The following CLMN variants were observed in gnomAD, a reference collection of about 807,000 sequenced individuals.
CLMN encodes the protein calmin (calponin-like, transmembrane).
In CLMN, 57 loss-of-function variants were observed where a neutral mutation model predicts 92.7. The ratio of observed to expected loss-of-function variants is 0.61; its 90% CI spans 0.50 to 0.77. CLMN has a LOEUF of 0.77. CLMN is among the 30% of genes least tolerant of loss of function. The pLI, the probability that CLMN is intolerant of heterozygous loss-of-function variation, is 0.00. For synonymous variants in CLMN, 466 were observed against 470.6 expected, an observed-to-expected ratio of 0.99 and a Z score of 0.13; for missense variants, 1,158 against 1,237.5, an observed-to-expected ratio of 0.94 and a Z score of 0.96.
At chr14:95,236,039 G>A (rs1898044163) in intron 1 of CLMN, among the ~76,000 whole-genome samples, 1 of 152,230 alleles carries the variant, frequency 6.6e-6, no homozygotes, top group African/African-American at 2.4e-5. Flanking sequence ...AACCGGGGCA[G>A]TGAAGGTCCT....
At chr14:95,239,432 A>C (rs1898170778) in intron 1 of CLMN, among the ~76,000 whole-genome samples, 1 of 152,214 alleles carries the variant, frequency 6.6e-6, no homozygotes, top group Non-Finnish European at 1.5e-5. Flanking sequence ...ACATTCTATA[A>C]GGATTCAGCT....
rs1227751235 is a variant in CLMN at position 95,193,841 on chromosome 14, C to G, written c.2840+8G>C. ...TACCCCCACAAAACCTGAAGTAAAGCCACCAACCTGGTTAATATTCGGTTT... is the reference window on the plus strand; with the variant it reads ...TACCCCCACAAAACCTGAAGTAAAGGCACCAACCTGGTTAATATTCGGTTT... On this transcript the variant is annotated splice_region_variant and intron_variant, in intron 12 of 12. Transcript: ENST00000298912. 1.9e-6 allele frequency: 3 copies of G among 1,613,840 alleles called. No homozygotes were observed. The highest frequency in any genetic ancestry group is 2.5e-6 in the Non-Finnish European group (3 of 1,179,940).
chr14:95,271,891 C>A (rs1899724694), intron 1 of CLMN, among the ~76,000 whole-genome samples: 1 of 152,230 alleles, frequency 6.6e-6, no homozygotes, highest in Admixed American at 6.5e-5. Context: ...TGTTCCTGAA[C>A]TTCATCTACA....
At position 95,210,774 on chromosome 14, in the gene CLMN, G is replaced by A. The variant is rs747057333; in HGVS notation, c.714C>T (p.Ala238=). The part of the protein sequence containing the change: ...IDPSLVDMKQ[A]LENSTRENLE... Reference sequence around the variant, plus strand: ...GATTTTCTCGTGTGGAATTTTCCAGGGCCTGTTTCATGTCCACCAGGCTGG... The same window carrying A: ...GATTTTCTCGTGTGGAATTTTCCAGAGCCTGTTTCATGTCCACCAGGCTGG... The change falls in exon 7 of 13, where the codon GCC becomes GCT. Residue 238 remains alanine, a synonymous_variant. Coordinates refer to ENST00000298912, the MANE Select transcript of CLMN (RefSeq NM_024734.4). 1.9e-6 allele frequency: 3 copies of A among 1,605,438 alleles called. No individual in the cohort carries two copies. The highest frequency in any genetic ancestry group is 1.7e-5 in the Admixed American group (1 of 58,566).
chr14:95,274,752 G>A lies in CLMN; in HGVS notation c.83-44619C>T, dbSNP rs199716925. On this transcript the variant is annotated intron_variant, in intron 1 of 12. Coordinates refer to ENST00000298912, the MANE Select transcript of CLMN (RefSeq NM_024734.4). Reference sequence around the variant, plus strand: ...TCCCAGCACTTTGGGAGGCCAAAGCGGGCGGATCACCAGGTCAAGAGATCA... The same window carrying A: ...TCCCAGCACTTTGGGAGGCCAAAGCAGGCGGATCACCAGGTCAAGAGATCA... Among the ~76,000 whole-genome samples the A allele has an allele frequency of 1.1e-4, 17 of 152,302 alleles. No homozygotes were observed. The East Asian group carries it at 2.3e-3, about 21-fold the overall frequency.
rs1896483184 is a variant in CLMN at position 95,188,210 on chromosome 14, C to T, written c.*3354G>A. On this transcript the variant is annotated 3_prime_UTR_variant, in exon 13 of 13. Coordinates refer to ENST00000298912, the MANE Select transcript of CLMN (RefSeq NM_024734.4). ...AAACATGAACAGATCCATAGGATCA[C>T]CATATATTTGAGAAAAATTCACAAC... 6.6e-6 allele frequency: 1 copy of T among 152,052 alleles called. No homozygotes were observed. Among genetic ancestry groups the T allele is most frequent in the South Asian group, 2.1e-4 (1 of 4,816 alleles). 9.4% of individuals were successfully genotyped at this position (152,052 alleles called of 1,614,324 possible).
At position 95,256,601 on chromosome 14, in the gene CLMN, T is replaced by C. The variant is rs964967235; in HGVS notation, c.83-26468A>G. Among the ~76,000 whole-genome samples, 1 of 152,090 alleles carries C rather than the reference T, an allele frequency of 6.6e-6. No homozygotes were observed. Among genetic ancestry groups the C allele is most frequent in the African/African-American group, 2.4e-5 (1 of 41,400 alleles). Reference sequence around the variant, plus strand: ...TGCACAACCGCCTCGTCAATACCCATCCCACGTGGAACTGTGCAAGACACT... The same window carrying C: ...TGCACAACCGCCTCGTCAATACCCACCCCACGTGGAACTGTGCAAGACACT... On this transcript the variant is annotated intron_variant, in intron 1 of 12. Transcript: ENST00000298912. This position sits in a 1 kb window ranked among gnomAD's most constrained non-coding sequence, Gnocchi z 4.9.
intron 1 of CLMN, among the ~76,000 whole-genome samples, chr14:95,276,011 T>C (rs1395942048): frequency 1.3e-5 from 2 of 152,202 alleles, no homozygotes; most frequent in Non-Finnish European, 2.9e-5. Flanking sequence ...CTCAGTGAAC[T>C]CACCCTGAAG....
chr14:95,270,398 C>G (rs1316156924), intron 1 of CLMN, among the ~76,000 whole-genome samples: 1 of 152,144 alleles, frequency 6.6e-6, no homozygotes, highest in Non-Finnish European at 1.5e-5. Context: ...TTAGAACACA[C>G]TCACCAAAAA....
chr14:95,215,752 T>G lies in CLMN; in HGVS notation c.325-19A>C. Reference sequence around the variant, plus strand: ...GTTTTACCTGGAGGGAAGCAATTTATGAACTTAAAGCGAGGTGTCCAGGGA... The same window carrying G: ...GTTTTACCTGGAGGGAAGCAATTTAGGAACTTAAAGCGAGGTGTCCAGGGA... On this transcript the variant is annotated intron_variant, in intron 4 of 12. Coordinates refer to ENST00000298912, the MANE Select transcript of CLMN (RefSeq NM_024734.4). 6.2e-7 allele frequency: 1 copy of G among 1,600,740 alleles called. No individual in the cohort carries two copies. The highest frequency in any genetic ancestry group is 8.6e-7 in the Non-Finnish European group (1 of 1,167,802).
chr14:95,242,409 C>G (rs1283809101), intron 1 of CLMN, among the ~76,000 whole-genome samples: 1 of 151,358 alleles, frequency 6.6e-6, no homozygotes. Context: ...CAGGCATGCA[C>G]CGCCATGCCT....
At chr14:95,278,761 CA>C (rs1900031026) in intron 1 of CLMN, among the ~76,000 whole-genome samples, 1 of 152,134 alleles carries the variant, frequency 6.6e-6, no homozygotes, top group Non-Finnish European at 1.5e-5. Context: ...ATCAGAGAAG[CA>C]TGTTCTTGGC....
At chr14:95,257,703 C>T (rs917951778) in intron 1 of CLMN, among the ~76,000 whole-genome samples, 4 of 152,204 alleles carry the variant, frequency 2.6e-5, no homozygotes, top group Non-Finnish European at 4.4e-5. Flanking sequence ...GCGGAGCTAC[C>T]ATGTTCTAGT....
chr14:95,310,046 GGT>G (rs1392106717), intron 1 of CLMN, among the ~76,000 whole-genome samples: 2 of 152,098 alleles, frequency 1.3e-5, no homozygotes, highest in Non-Finnish European at 2.9e-5. Flanking sequence ...ATATGGTTTG[GGT>G]GTGTGTCCCC....
chr14:95,316,305 G>T (rs1222307005), intron 1 of CLMN, among the ~76,000 whole-genome samples: 2 of 152,236 alleles, frequency 1.3e-5, no homozygotes, highest in South Asian at 2.1e-4. Context: ...GACCACCCCT[G>T]TTTCCTTGCA....
In CLMN at chr14:95,193,846, A is replaced by C. The variant is rs1389400034; in HGVS notation, c.2840+3T>G. 6.2e-7 allele frequency: 1 copy of C among 1,613,892 alleles called. No individual in the cohort carries two copies. The highest frequency in any genetic ancestry group is 2.2e-5 in the East Asian group (1 of 44,898). On this transcript the variant is annotated splice_donor_region_variant and intron_variant, in intron 12 of 12. Transcript: ENST00000298912. ...CCACAAAACCTGAAGTAAAGCCACC[A>C]ACCTGGTTAATATTCGGTTTCTTCT...
rs773691243 is a variant in CLMN at position 95,183,158 on chromosome 14, A to G, written c.*8406T>C. The G allele has an allele frequency of 3.9e-5, 6 of 152,244 alleles. No individual in the cohort carries two copies. Among genetic ancestry groups the G allele is most frequent in the Non-Finnish European group, 8.8e-5 (6 of 68,040 alleles). The allele number at this position is 152,244 out of a possible 1,614,324, so 9.4% of individuals were successfully genotyped here. A position where few individuals can be genotyped will look rare whatever the true frequency, so the allele number is the denominator to read the frequency against. On this transcript the variant is annotated 3_prime_UTR_variant, in exon 13 of 13. Coordinates refer to ENST00000298912, the MANE Select transcript of CLMN (RefSeq NM_024734.4). ...GGTAAATTCAAGGCATCTGCAGGTG[A>G]GCCACAGCTAGGACGTGGGTTCTCC... is the stretch of plus-strand genomic sequence containing the variant.
In CLMN at chr14:95,183,020, C is replaced by T. The variant is rs1595539068; in HGVS notation, c.*8544G>A. 1 of 152,216 alleles carries T rather than the reference C, an allele frequency of 6.6e-6. No individual in the cohort carries two copies. Among genetic ancestry groups the T allele is most frequent in the Non-Finnish European group, 1.5e-5 (1 of 68,024 alleles). The allele number at this position is 152,216 out of a possible 1,614,324, so 9.4% of individuals were successfully genotyped here. On this transcript the variant is annotated 3_prime_UTR_variant, in exon 13 of 13. Coordinates refer to ENST00000298912, the MANE Select transcript of CLMN (RefSeq NM_024734.4). ...GGGCTGATATACAGAGGTACACTTGCTTTAAGCAAATAGGCCACTTATTGA... is the reference window on the plus strand; with the variant it reads ...GGGCTGATATACAGAGGTACACTTGTTTTAAGCAAATAGGCCACTTATTGA...
chr14:95,303,366 C>T (rs72710148), intron 1 of CLMN, among the ~76,000 whole-genome samples: 2,250 of 152,304 alleles, frequency 0.015, 22 homozygotes, highest in Non-Finnish European at 0.025. Context: ...AACAAGTGCA[C>T]GATGGTGAGC....
Sources: allele counts gnomAD v4.1 joint callset (sites outside exome capture counted in the v4.1 genomes callset), GRCh38; gene constraint gnomAD v4.1.1; non-coding constraint Gnocchi (gnomAD v3.1); transcripts MANE v1.5; gene names NCBI Gene and HGNC (gene_info 2026-07-23, HGNC 2026-07-21).